TTC9: variants seen among roughly 807,000 people sequenced by gnomAD.
The protein encoded by TTC9 is tetratricopeptide repeat protein 9A.
Under a neutral mutation model 22.9 loss-of-function variants are expected in TTC9, and 13 were observed. The observed-to-expected ratio is 0.57, with a 90% CI of 0.37 to 0.90. The LOEUF (loss-of-function observed/expected upper bound fraction) is 0.90, where lower values mean the gene tolerates loss of function less well. TTC9 is among the 40% of genes least tolerant of loss of function. TTC9 has a pLI of 0.01. For synonymous variants in TTC9, 148 were observed against 133.2 expected, an observed-to-expected ratio of 1.11 and a Z score of -0.77; for missense variants, 280 against 291.8, an observed-to-expected ratio of 0.96 and a Z score of 0.29.
intron 1 of TTC9, among the ~76,000 whole-genome samples, chr14:70,646,508 G>T (rs994560845): frequency 9.2e-5 from 14 of 152,146 alleles, no homozygotes; most frequent in African/African-American, 2.7e-4. Context: ...TGATCAAAGG[G>T]ATACAACACA....
rs758862304 is a variant in TTC9, at chr14:70,659,122, A to ACACACACGCGCGCG, written c.407-8435_407-8434insGCGCGCGCACACAC. ...ACGATAAAACTGTATATAACTAAAC[A>ACACACACGCGCGCG]CACACACACGCACACACACACACAC... On this transcript the variant is annotated intron_variant, in intron 1 of 2. Coordinates refer to ENST00000256367, the MANE Select transcript of TTC9 (RefSeq NM_015351.2). Among the ~76,000 whole-genome samples, 6 of 43,118 alleles carry ACACACACGCGCGCG rather than the reference A, an allele frequency of 1.4e-4. No homozygotes were observed. The South Asian group carries it at 3.5e-3, about 25-fold the overall frequency. 28.3% of individuals were successfully genotyped at this position (43,118 alleles called of 152,430 possible).
intron 1 of TTC9, among the ~76,000 whole-genome samples, chr14:70,665,722 G>A (rs947639358): frequency 6.6e-6 from 1 of 152,024 alleles, no homozygotes; most frequent in Non-Finnish European, 1.5e-5. Flanking sequence ...GGAGTTTTTT[G>A]GTCCTAAATG....
chr14:70,645,497 A>C (rs536926849), intron 1 of TTC9, among the ~76,000 whole-genome samples: 1 of 152,362 alleles, frequency 6.6e-6, no homozygotes, highest in South Asian at 2.1e-4. Context: ...CATTTCATGA[A>C]AATATTTTCA....
At position 70,665,705 on chromosome 14, in the gene TTC9, A is replaced by T. The variant is rs75120800; in HGVS notation, c.407-1859A>T. Among the ~76,000 whole-genome samples, 366 of 152,290 alleles carry T rather than the reference A, an allele frequency of 2.4e-3. 2 individuals carry two copies. The highest frequency in any genetic ancestry group is 8.5e-3 in the African/African-American group (354 of 41,560). On this transcript the variant is annotated intron_variant, in intron 1 of 2. Transcript: ENST00000256367. ...TCTGTGTATTTCTCCTCATTCTGTGAAAGAATGGAGTTTTTTGGTCCTAAA... is the reference window on the plus strand; with the variant it reads ...TCTGTGTATTTCTCCTCATTCTGTGTAAGAATGGAGTTTTTTGGTCCTAAA...
chr14:70,642,537 T>G lies in TTC9; in HGVS notation c.406+2T>G, dbSNP rs539441482. The G allele has an allele frequency of 6.6e-7, 1 of 1,516,722 alleles. No individual in the cohort carries two copies. Among genetic ancestry groups the G allele is most frequent in the South Asian group, 1.2e-5 (1 of 83,326 alleles). 94.0% of individuals were successfully genotyped at this position (1,516,722 alleles called of 1,614,324 possible). On this transcript the variant is annotated splice_donor_variant, in intron 1 of 2. Coordinates refer to ENST00000256367, the MANE Select transcript of TTC9 (RefSeq NM_015351.2). LOFTEE classifies it high-confidence loss of function. ...TCGACTGTTACAACAGCCTGGCAGG[T>G]GAGCCGCGCCGCGCCCCCCGCGCCG... is the stretch of plus-strand genomic sequence containing the variant.
At chr14:70,658,763 C>A (rs1339846400) in intron 1 of TTC9, among the ~76,000 whole-genome samples, 1 of 152,162 alleles carries the variant, frequency 6.6e-6, no homozygotes, top group Admixed American at 6.5e-5. Flanking sequence ...CTGACTATTC[C>A]TATCAACTTT....
chr14:70,648,518 A>T (rs1885934400), intron 1 of TTC9, among the ~76,000 whole-genome samples: 1 of 152,232 alleles, frequency 6.6e-6, no homozygotes, highest in Non-Finnish European at 1.5e-5. Flanking sequence ...AAGGAAATTC[A>T]TCTGCAAAGC....
In TTC9 at chr14:70,651,027, T is replaced by C. The variant is rs1009068562; in HGVS notation, c.406+8492T>C. Among the ~76,000 whole-genome samples the C allele has an allele frequency of 6.6e-5, 10 of 152,162 alleles. No homozygotes were observed. The East Asian group carries it at 7.7e-4, about 12-fold the overall frequency. On this transcript the variant is annotated intron_variant, in intron 1 of 2. Transcript: ENST00000256367. The stretch of plus-strand genomic sequence containing the variant: ...CATAGTCTCATTCTGTCACCCAGGC[T>C]GGAGTGTAAGTAGCACGTTATCAGC...
chr14:70,647,297 A>G (rs1031203338), intron 1 of TTC9, among the ~76,000 whole-genome samples: 1 of 152,166 alleles, frequency 6.6e-6, no homozygotes, highest in Non-Finnish European at 1.5e-5. Flanking sequence ...TCACTTTTTT[A>G]TATGTGTACT....
At chr14:70,656,095 C>T (rs1205405035) in intron 1 of TTC9, among the ~76,000 whole-genome samples, 3 of 152,032 alleles carry the variant, frequency 2.0e-5, no homozygotes, top group East Asian at 1.9e-4. Flanking sequence ...TTGATGAAGC[C>T]AGTCTCCTCC....
chr14:70,655,362 C>G (rs1886048456), intron 1 of TTC9, among the ~76,000 whole-genome samples: 1 of 151,638 alleles, frequency 6.6e-6, no homozygotes, highest in Non-Finnish European at 1.5e-5. Flanking sequence ...CCACTGCTCT[C>G]CAAGCGTCGC....
At position 70,673,485 on chromosome 14, in the gene TTC9, C is replaced by G. The variant is rs1886325137; in HGVS notation, c.*2330C>G. On this transcript the variant is annotated 3_prime_UTR_variant, in exon 3 of 3. Transcript: ENST00000256367. ...CCCAATCCCTACTATATTATGCTGT[C>G]TTTCCTCTTCCTCCTAGCTGGCTTT... The G allele has an allele frequency of 6.6e-6, 1 of 152,270 alleles. No homozygotes were observed. Among genetic ancestry groups the G allele is most frequent in the Non-Finnish European group, 1.5e-5 (1 of 68,074 alleles). The allele number at this position is 152,270 out of a possible 1,614,324, so 9.4% of individuals were successfully genotyped here.
Position 70,672,758 on chromosome 14 carries a change from T to G in TTC9, c.*1603T>G, listed in dbSNP as rs888337384. 3 of 152,250 alleles carry G rather than the reference T, an allele frequency of 2.0e-5. No homozygotes were observed. Among genetic ancestry groups the G allele is most frequent in the African/African-American group, 7.2e-5 (3 of 41,476 alleles). 9.4% of individuals were successfully genotyped at this position (152,250 alleles called of 1,614,324 possible). A position where few individuals can be genotyped will look rare whatever the true frequency, so the allele number is the denominator to read the frequency against. ...CTTTCATGCAGTTACTCTGGGATAC[T>G]GTTCCCATTTGATGGGTAAGAATAT... On this transcript the variant is annotated 3_prime_UTR_variant, in exon 3 of 3. Coordinates refer to ENST00000256367, the MANE Select transcript of TTC9 (RefSeq NM_015351.2).
rs958920741 is a variant in TTC9, at chr14:70,674,770, T to C, written c.*3615T>C. The C allele has an allele frequency of 6.6e-6, 1 of 152,246 alleles. No homozygotes were observed. The highest frequency in any genetic ancestry group is 1.5e-5 in the Non-Finnish European group (1 of 68,032). The allele number at this position is 152,246 out of a possible 1,614,324, so 9.4% of individuals were successfully genotyped here. A position where few individuals can be genotyped will look rare whatever the true frequency, so the allele number is the denominator to read the frequency against. On this transcript the variant is annotated 3_prime_UTR_variant, in exon 3 of 3. Coordinates refer to ENST00000256367, the MANE Select transcript of TTC9 (RefSeq NM_015351.2). ...CACGAACATTTTCGGCATATCAAAC[T>C]TTCTCAACAGCATCTTCATTGTATG...
intron 1 of TTC9, among the ~76,000 whole-genome samples, chr14:70,652,868 G>T (rs374423610): frequency 1.5e-3 from 235 of 152,300 alleles, no homozygotes; most frequent in African/African-American, 5.4e-3. Context: ...AGAGAGGGGG[G>T]TATCCCATGA....
intron 1 of TTC9, among the ~76,000 whole-genome samples, chr14:70,658,510 C>A (rs1296002799): frequency 6.6e-6 from 1 of 151,998 alleles, no homozygotes; most frequent in Non-Finnish European, 1.5e-5. Flanking sequence ...TAGAGAGACC[C>A]CCTAACAGGT....
intron 1 of TTC9, among the ~76,000 whole-genome samples, chr14:70,646,299 CT>C (rs1157845262): frequency 6.6e-6 from 1 of 152,108 alleles, no homozygotes; most frequent in African/African-American, 2.4e-5. Context: ...CCTGACCTTC[CT>C]GGGGAGACAT....
chr14:70,651,330 A>G (rs1270229919), intron 1 of TTC9, among the ~76,000 whole-genome samples: 1 of 143,876 alleles, frequency 7.0e-6, no homozygotes, highest in East Asian at 1.9e-4. Flanking sequence ...CTCTACCTAC[A>G]TACATTATTA....
chr14:70,654,591 A>AAAAAAAAAAAAAAAG (rs1886033653), intron 1 of TTC9, among the ~76,000 whole-genome samples: 1 of 41,382 alleles, frequency 2.4e-5, no homozygotes, highest in African/African-American at 9.6e-5. Flanking sequence ...CTGTCTCAAA[A>AAAAAAAAAAAAAAAG]AAAAAAAAAA....
Sources: allele counts gnomAD v4.1 joint callset (sites outside exome capture counted in the v4.1 genomes callset), GRCh38; gene constraint gnomAD v4.1.1; transcripts MANE v1.5; gene names NCBI Gene and HGNC (gene_info 2026-07-23, HGNC 2026-07-21).